Variants in UNC79 observed in about 807,000 individuals in gnomAD.
The protein encoded by UNC79 is unc-79 subunit of NALCN channel complex.
In UNC79, 37 loss-of-function variants were observed where a neutral mutation model predicts 283.1. The observed-to-expected ratio is 0.13, with a 90% CI of 0.10 to 0.17. The LOEUF is 0.17. Among genes scored for constraint, UNC79 ranks in the 10% least tolerant of loss-of-function variants. UNC79 has a pLI of 1.00. For missense variants in UNC79, 2,272 were observed against 3,211.1 expected, an observed-to-expected ratio of 0.71 and a Z score of 7.07; for synonymous variants, 1,107 against 1,200.2, an observed-to-expected ratio of 0.92 and a Z score of 1.61.
intron 25 of UNC79, among the ~76,000 whole-genome samples, chr14:93,602,938 G>A (rs2065620996): frequency 1.3e-5 from 2 of 152,236 alleles, no homozygotes; most frequent in Non-Finnish European, 2.9e-5. Context: ...ACCACACCTG[G>A]CCTCTTGCTT....
At chr14:93,413,168 A>T (rs1233497277) in intron 1 of UNC79, among the ~76,000 whole-genome samples, 2 of 147,262 alleles carry the variant, frequency 1.4e-5, no homozygotes, top group African/African-American at 2.5e-5. Flanking sequence ...TATCTCCTAA[A>T]GCTATCCCTC....
At chr14:93,364,805 T>A (rs6575326) in intron 1 of UNC79, among the ~76,000 whole-genome samples, 111,893 of 151,206 alleles carry the variant, frequency 0.74, 42,364 homozygotes, top group African/African-American at 0.87. Context: ...TTCCAGGTAG[T>A]TGCTACTGCC....
At chr14:93,529,248 C>T in intron 9 of UNC79, 38 bp from the exon 10 acceptor site, 5 of 1,610,150 alleles carry the variant, frequency 3.1e-6, no homozygotes, top group Non-Finnish European at 3.4e-6. Context: ...GAGAACATTT[C>T]AATGAAGCTC....
exon 17 of UNC79, chr14:93,575,136 G>A (rs747669222): frequency 6.2e-7 from 1 of 1,613,876 alleles, no homozygotes; most frequent in African/African-American, 1.3e-5. Flanking sequence ...TTCAGTCAAA[G>A]AGCTGGCAAA....
intron 14 of UNC79, among the ~76,000 whole-genome samples, chr14:93,568,455 C>G (rs985511109): frequency 1.3e-5 from 2 of 152,082 alleles, no homozygotes; most frequent in Admixed American, 1.3e-4. Flanking sequence ...GCATGGATCA[C>G]CTGAGGTCAG....
chr14:93,588,740 CAAAAAAAAAA>C (rs397745981), intron 22 of UNC79, among the ~76,000 whole-genome samples: 1 of 17,760 alleles, frequency 5.6e-5, no homozygotes, highest in Admixed American at 6.9e-4. Flanking sequence ...GACTCCGTCT[CAAAAAAAAAA>C]AAAAAAAAAA....
At chr14:93,485,222 A>G (rs28417976) in intron 4 of UNC79, among the ~76,000 whole-genome samples, 2 of 136,378 alleles carry the variant, frequency 1.5e-5, no homozygotes, top group Admixed American at 7.3e-5. Flanking sequence ...ATATATATAT[A>G]TGTATATATA....
In UNC79 at chr14:93,630,901, A is replaced by G. The variant is rs747088488; in HGVS notation, c.5709A>G (p.Ser1903=). 18 of 1,613,162 alleles carry G rather than the reference A, an allele frequency of 1.1e-5. No homozygotes were observed. The African/African-American group carries it at 2.1e-4, about 19-fold the overall frequency. The change falls in exon 31 of 49, where the codon TCA becomes TCG. Residue 1903 remains serine, a synonymous_variant. Coordinates refer to ENST00000555664, the Ensembl canonical transcript of UNC79. ...TGCCGGAAACAAGTAGCCATTCCTC[A>G]ATATCAAGTAAGATTTCCTCTGCTG...
intron 1 of UNC79, among the ~76,000 whole-genome samples, chr14:93,433,241 A>G (rs2055945410): frequency 6.6e-6 from 1 of 152,148 alleles, no homozygotes; most frequent in Non-Finnish European, 1.5e-5. Context: ...AGGGCAAAGG[A>G]GGTAAATGGG....
At chr14:93,447,550 C>G (rs1224421337) in intron 1 of UNC79, among the ~76,000 whole-genome samples, 1 of 151,284 alleles carries the variant, frequency 6.6e-6, no homozygotes, top group African/African-American at 2.4e-5. Flanking sequence ...TTGCATTTAC[C>G]AAGATATTTA....
chr14:93,642,897 G>C (rs116164505), intron 33 of UNC79, among the ~76,000 whole-genome samples: 2,314 of 152,280 alleles, frequency 0.015, 51 homozygotes, highest in African/African-American at 0.053. Flanking sequence ...TGGTCGTGTT[G>C]AATGAAATGG....
rs2062363227 is a variant in UNC79, at chr14:93,558,787, G to A, written c.1756-13107G>A. On this transcript the variant is annotated intron_variant, in intron 14 of 48. Coordinates refer to ENST00000555664, the Ensembl canonical transcript of UNC79. ...AGAGCAGCTTTTGATGACCCTGTTCGCTGTGCCATAACTGTGGAGGCCAAG... is the reference window on the plus strand; with the variant it reads ...AGAGCAGCTTTTGATGACCCTGTTCACTGTGCCATAACTGTGGAGGCCAAG... Among the ~76,000 whole-genome samples the A allele has an allele frequency of 2.0e-5, 3 of 151,712 alleles. 1 individual carries two copies. The South Asian group carries it at 6.2e-4, about 32-fold the overall frequency.
chr14:93,687,774 A>G (rs1237609414), intron 43 of UNC79, among the ~76,000 whole-genome samples: 2 of 152,146 alleles, frequency 1.3e-5, no homozygotes, highest in African/African-American at 4.8e-5. Context: ...CCATACTTAA[A>G]TGACTTTGAT....
At chr14:93,677,468 A>G (rs1354387095) in intron 41 of UNC79, among the ~76,000 whole-genome samples, 4 of 152,162 alleles carry the variant, frequency 2.6e-5, no homozygotes, top group Non-Finnish European at 5.9e-5. Context: ...TAAAACCATC[A>G]GATCTTGTGA....
At chr14:93,534,426 G>A (rs2060972816) in intron 11 of UNC79, among the ~76,000 whole-genome samples, 1 of 152,114 alleles carries the variant, frequency 6.6e-6, no homozygotes, top group African/African-American at 2.4e-5. Context: ...TTGCTAGTAT[G>A]ACTTTCTTAA....
intron 26 of UNC79, among the ~76,000 whole-genome samples, chr14:93,606,245 C>G (rs569632888): frequency 6.6e-6 from 1 of 152,268 alleles, no homozygotes; most frequent in East Asian, 1.9e-4. Flanking sequence ...TTAAAAAAAG[C>G]CTTCAGGCAT....
intron 3 of UNC79, among the ~76,000 whole-genome samples, chr14:93,475,316 A>G (rs1288828595): frequency 6.6e-6 from 1 of 152,202 alleles, no homozygotes; most frequent in Non-Finnish European, 1.5e-5. Flanking sequence ...AATTTTGGAA[A>G]ATAAGTGGGT....
chr14:93,482,284 T>G (rs2058182867), intron 4 of UNC79, among the ~76,000 whole-genome samples: 1 of 152,162 alleles, frequency 6.6e-6, no homozygotes, highest in African/African-American at 2.4e-5. Context: ...AAATAATGAT[T>G]GTAGCAGTTT....
At chr14:93,649,665 T>C (rs1019740441) in intron 35 of UNC79, among the ~76,000 whole-genome samples, 5 of 152,222 alleles carry the variant, frequency 3.3e-5, no homozygotes, top group African/African-American at 1.2e-4. Context: ...CATTGTGAAA[T>C]GATTACCACA....
Sources: gnomAD v4.1 joint callset for allele counts (sites outside exome capture counted in the v4.1 genomes callset) on GRCh38, gnomAD v4.1.1 for gene constraint, MANE v1.5 for transcripts, NCBI Gene and HGNC (gene_info 2026-07-23, HGNC 2026-07-21) for gene names.